RBMS3: variants seen among roughly 807,000 people sequenced by gnomAD.
The protein encoded by RBMS3 is RNA-binding motif, single-stranded-interacting protein 3.
In RBMS3, 27 loss-of-function variants were observed where a neutral mutation model predicts 66.8. The ratio of observed to expected loss-of-function variants is 0.40; its 90% CI spans 0.30 to 0.56. The LOEUF (loss-of-function observed/expected upper bound fraction) is 0.56. Ranked by LOEUF, RBMS3 falls within the 20% of genes least tolerant of loss-of-function variation. The pLI is 0.40. For synonymous variants in RBMS3, 188 were observed against 183.0 expected (o/e 1.03, Z -0.22); for missense variants, 513 against 549.5 (o/e 0.93, Z 0.66).
chr3:29,348,782 G>T (rs1227412772), intron 1 of RBMS3, among the ~76,000 whole-genome samples: 2 of 152,058 alleles, frequency 1.3e-5, no homozygotes, highest in East Asian at 1.9e-4. Context: ...GCAAATTGAG[G>T]CTCAATTCCG....
At chr3:29,504,857 T>C (rs961906298) in intron 3 of RBMS3, among the ~76,000 whole-genome samples, 2 of 152,152 alleles carry the variant, frequency 1.3e-5, no homozygotes, top group African/African-American at 4.8e-5. Flanking sequence ...GTGAGCATGT[T>C]TTCATATACC....
At chr3:29,898,738 T>TGTGC (rs1212711134) in intron 9 of RBMS3, among the ~76,000 whole-genome samples, 4 of 140,048 alleles carry the variant, frequency 2.9e-5, no homozygotes. Context: ...GTAATGTGCG[T>TGTGC]GTGTGTGTGT....
chr3:29,714,589 G>A (rs931647024), intron 4 of RBMS3, among the ~76,000 whole-genome samples: 7 of 152,180 alleles, frequency 4.6e-5, no homozygotes, highest in African/African-American at 1.7e-4. Context: ...GGAGAAGGAA[G>A]ACAGATATAC....
intron 12 of RBMS3, among the ~76,000 whole-genome samples, chr3:29,986,222 G>A (rs943513683): frequency 6.6e-6 from 1 of 152,056 alleles, no homozygotes; most frequent in Non-Finnish European, 1.5e-5. Context: ...TTAAATTCAT[G>A]GTTGATAAAA....
At chr3:29,987,619 CAAAAATGA>C (rs764531705) in intron 12 of RBMS3, among the ~76,000 whole-genome samples, 15 of 151,840 alleles carry the variant, frequency 9.9e-5, no homozygotes, top group Non-Finnish European at 2.2e-4. Flanking sequence ...AAAAGTGATG[CAAAAATGA>C]AAAAATGACA....
At chr3:29,401,184 C>G (rs2039795272) in intron 1 of RBMS3, among the ~76,000 whole-genome samples, 1 of 152,000 alleles carries the variant, frequency 6.6e-6, no homozygotes, top group South Asian at 2.1e-4. Flanking sequence ...CATTTTCTCC[C>G]AACAGGCATA....
At chr3:29,495,233 C>T (rs199730726) in intron 3 of RBMS3, among the ~76,000 whole-genome samples, 1 of 151,966 alleles carries the variant, frequency 6.6e-6, no homozygotes, top group East Asian at 1.9e-4. Flanking sequence ...GACTTTGTTA[C>T]TGGACTGAAT....
At chr3:29,881,867 C>T (rs78909492) in intron 7 of RBMS3, among the ~76,000 whole-genome samples, 11,842 of 151,960 alleles carry the variant, frequency 0.078, 526 homozygotes, top group African/African-American at 0.12. Context: ...CTTTGAGCAC[C>T]GTAGGAAAAT....
At chr3:29,764,137 G>C (rs1015094851) in intron 6 of RBMS3, among the ~76,000 whole-genome samples, 2 of 151,858 alleles carry the variant, frequency 1.3e-5, no homozygotes, top group African/African-American at 4.8e-5. Flanking sequence ...GGGATGTCAA[G>C]AATGCAGAAA....
intron 6 of RBMS3, among the ~76,000 whole-genome samples, chr3:29,807,207 C>T (rs1251813450): frequency 6.6e-6 from 1 of 151,876 alleles, no homozygotes; most frequent in Non-Finnish European, 1.5e-5. Context: ...ATCAAGATTG[C>T]TTTTCACATT....
At chr3:29,428,564 G>T (rs866879549) in intron 1 of RBMS3, among the ~76,000 whole-genome samples, 1 of 133,120 alleles carries the variant, frequency 7.5e-6, no homozygotes, top group African/African-American at 3.1e-5. Flanking sequence ...TGTCCCAAAT[G>T]CTTTCTGTTA....
chr3:29,715,194 T>G (rs2053339692), intron 4 of RBMS3, among the ~76,000 whole-genome samples: 1 of 152,262 alleles, frequency 6.6e-6, no homozygotes, highest in South Asian at 2.1e-4. Flanking sequence ...ATTTCTTTAA[T>G]GAACTAATGT....
At chr3:29,764,097 G>A (rs1399197461) in intron 6 of RBMS3, among the ~76,000 whole-genome samples, 1 of 141,924 alleles carries the variant, frequency 7.0e-6, no homozygotes, top group African/African-American at 2.7e-5. Context: ...TTTTGTGGAG[G>A]GTTTTGTAAT....
intron 6 of RBMS3, among the ~76,000 whole-genome samples, chr3:29,857,012 C>T (rs990092649): frequency 3.9e-5 from 6 of 152,176 alleles, no homozygotes; most frequent in Non-Finnish European, 7.4e-5. Context: ...AATACCATCT[C>T]AGGTCATTAC....
chr3:29,990,599 C>T (rs1364357552), intron 13 of RBMS3, among the ~76,000 whole-genome samples: 1 of 151,812 alleles, frequency 6.6e-6, no homozygotes, highest in Non-Finnish European at 1.5e-5. Flanking sequence ...AATCAAATTA[C>T]TGGAGAGAAA....
intron 8 of RBMS3, among the ~76,000 whole-genome samples, chr3:29,890,951 T>C (rs1160784438): frequency 1.3e-5 from 2 of 151,542 alleles, no homozygotes; most frequent in Non-Finnish European, 3.0e-5. Context: ...TGATGAGGAA[T>C]TGGGAAGGCT....
At chr3:29,684,184 G>C (rs1559566428) in intron 4 of RBMS3, among the ~76,000 whole-genome samples, 1 of 152,104 alleles carries the variant, frequency 6.6e-6, no homozygotes, top group Non-Finnish European at 1.5e-5. Flanking sequence ...AATTTTAATA[G>C]TTATGGTGTT....
At chr3:29,533,456 T>C (rs2045439487) in intron 3 of RBMS3, among the ~76,000 whole-genome samples, 1 of 152,122 alleles carries the variant, frequency 6.6e-6, no homozygotes, top group Admixed American at 6.5e-5. Context: ...CACTCCAGCC[T>C]GGGTGACACA....
chr3:29,626,184 C>G (rs571796187), intron 4 of RBMS3, among the ~76,000 whole-genome samples: 4 of 152,266 alleles, frequency 2.6e-5, no homozygotes, highest in Admixed American at 2.0e-4. Context: ...CAGCTCTGCA[C>G]TAGCTGATAA....
Sources: gnomAD v4.1 joint callset for allele counts (sites outside exome capture counted in the v4.1 genomes callset) on GRCh38, gnomAD v4.1.1 for gene constraint, MANE v1.5 for transcripts, NCBI Gene and HGNC (gene_info 2026-07-23, HGNC 2026-07-21) for gene names.